The following AP2B1 variants were observed in gnomAD, a reference collection of about 807,000 sequenced individuals.
AP2B1 encodes the protein adaptor related protein complex 2 subunit beta 1.
AP2B1 carries 23 observed loss-of-function variants against 102.0 expected under a neutral mutation model. The observed-to-expected ratio is 0.23, with a 90% confidence interval of 0.16 to 0.32. The LOEUF is 0.32. Among genes scored for constraint, AP2B1 ranks in the 10% least tolerant of loss-of-function variants. AP2B1 has a pLI of 1.00. For missense variants in AP2B1, 541 were observed against 1,157.4 expected, an observed-to-expected ratio of 0.47 and a Z score of 7.73; for synonymous variants, 381 against 421.2, an observed-to-expected ratio of 0.90 and a Z score of 1.17.
chr17:35,674,111 T>G, intron 16 of AP2B1, 65 bp from the exon 17 acceptor site: 1 of 1,492,796 alleles, frequency 6.7e-7, no homozygotes, highest in Non-Finnish European at 9.1e-7. Context: ...TTTTTATTTG[T>G]TAAAAAATGC....
At chr17:35,683,207 CTCTT>C (rs1167765511) in intron 18 of AP2B1, among the ~76,000 whole-genome samples, 1 of 152,130 alleles carries the variant, frequency 6.6e-6, no homozygotes, top group Non-Finnish European at 1.5e-5. Flanking sequence ...AAAAAAGTCC[CTCTT>C]TCTTCCTTAG....
At chr17:35,630,139 C>A (rs1338032205) in intron 9 of AP2B1, among the ~76,000 whole-genome samples, 1 of 152,142 alleles carries the variant, frequency 6.6e-6, no homozygotes, top group Non-Finnish European at 1.5e-5. Context: ...ATACCTGTTC[C>A]TAATTGGCCT....
chr17:35,657,619 C>T lies in AP2B1; in HGVS notation c.1817C>T (p.Pro606Leu). 1 of 1,613,730 alleles carries T rather than the reference C, an allele frequency of 6.2e-7. No homozygotes were observed. The highest frequency in any genetic ancestry group is 8.5e-7 in the Non-Finnish European group (1 of 1,179,708). ...TTTAGCACTGATGCAGGTGACAGCCCTGTTGGCACTACCACTGCAACGAAC... is the reference window on the plus strand; with the variant it reads ...TTTAGCACTGATGCAGGTGACAGCCTTGTTGGCACTACCACTGCAACGAAC... ...HHGSTDAGDS[P>L]VGTTTATNLE... Residue 606 changes from proline to leucine, a missense_variant, in exon 14 of 22, where the codon CCT becomes CTT. Pro to Leu is a moderately conservative substitution (Grantham distance 98). Coordinates refer to ENST00000610402, the MANE Select transcript of AP2B1 (RefSeq NM_001030006.2).
intron 18 of AP2B1, among the ~76,000 whole-genome samples, chr17:35,690,019 G>C (rs750670349): frequency 2.7e-4 from 41 of 152,114 alleles, no homozygotes; most frequent in Admixed American, 6.5e-4. Flanking sequence ...TCATTCTTCA[G>C]ATTTTTTTTC....
rs1207557517 is a variant in AP2B1 at position 35,631,749 on chromosome 17, G to C, written c.1155+4023G>C. On this transcript the variant is annotated intron_variant, in intron 9 of 21. Transcript: ENST00000610402. Reference sequence around the variant, plus strand: ...CTCTTTTTCCAAATGGTGGTATAAGGAGTATCCTTGCAACTAAATCTTTGA... The same window carrying C: ...CTCTTTTTCCAAATGGTGGTATAAGCAGTATCCTTGCAACTAAATCTTTGA... 2.0e-5 allele frequency among the ~76,000 whole-genome samples: 3 copies of C among 152,056 alleles called. No individual in the cohort carries two copies. In the East Asian group the frequency reaches 5.8e-4, roughly 29 times the overall value.
At chr17:35,588,872 T>C (rs2072991874) in intron 1 of AP2B1, 1 of 152,212 alleles carries the variant, frequency 6.6e-6, no homozygotes, top group Non-Finnish European at 1.5e-5. Context: ...ATGAAGAAAC[T>C]CAAGGAAGTC....
chr17:35,634,341 A>AT (rs2142662794), intron 9 of AP2B1, among the ~76,000 whole-genome samples: 1 of 152,180 alleles, frequency 6.6e-6, no homozygotes, highest in African/African-American at 2.4e-5. Context: ...AGGCTTGGTA[A>AT]TTTTCTTGTT....
intron 21 of AP2B1, among the ~76,000 whole-genome samples, chr17:35,722,370 G>GT (rs202023875): frequency 1.3e-5 from 2 of 151,866 alleles, no homozygotes; most frequent in Non-Finnish European, 2.9e-5. Context: ...AGTTGTTTTG[G>GT]TTTTTTTTAC....
intron 5 of AP2B1, among the ~76,000 whole-genome samples, chr17:35,619,878 A>G (rs1236942369): frequency 6.6e-6 from 1 of 152,070 alleles, no homozygotes; most frequent in Non-Finnish European, 1.5e-5. Flanking sequence ...TCTGCCTCGC[A>G]TGTTCAAGTG....
intron 18 of AP2B1, among the ~76,000 whole-genome samples, chr17:35,692,192 C>G (rs1231657593): frequency 6.6e-6 from 1 of 152,152 alleles, no homozygotes; most frequent in African/African-American, 2.4e-5. Flanking sequence ...AGTCAGGAGA[C>G]AGTTAAACAC....
intron 5 of AP2B1, among the ~76,000 whole-genome samples, chr17:35,615,273 G>A (rs1338838544): frequency 6.6e-6 from 1 of 152,130 alleles, no homozygotes; most frequent in African/African-American, 2.4e-5. Context: ...TAATAATGCC[G>A]ATTTTAGTGA....
intron 5 of AP2B1, among the ~76,000 whole-genome samples, chr17:35,615,387 C>T (rs1344846234): frequency 6.6e-6 from 1 of 152,198 alleles, no homozygotes; most frequent in Non-Finnish European, 1.5e-5. Context: ...AGTGGCCTAA[C>T]ATTATGCACC....
chr17:35,660,639 C>T (rs537434691), intron 14 of AP2B1, among the ~76,000 whole-genome samples: 3 of 152,070 alleles, frequency 2.0e-5, no homozygotes, highest in South Asian at 2.1e-4. Flanking sequence ...CCCGCCACCA[C>T]GCCCGGCTAA....
chr17:35,641,166 A>G (rs2074769309), intron 11 of AP2B1, among the ~76,000 whole-genome samples: 1 of 152,248 alleles, frequency 6.6e-6, no homozygotes, highest in Non-Finnish European at 1.5e-5. Flanking sequence ...CTCTTGCCCC[A>G]GTACGACAGA....
At position 35,723,796 on chromosome 17, in the gene AP2B1, A is replaced by C. The variant is rs1488695735; in HGVS notation, c.*97A>C. The C allele has an allele frequency of 8.0e-6, 7 of 879,674 alleles. No homozygotes were observed. Among genetic ancestry groups the C allele is most frequent in the Non-Finnish European group, 1.3e-5 (7 of 529,564 alleles). 54.5% of individuals were successfully genotyped at this position (879,674 alleles called of 1,614,324 possible). Reference sequence around the variant, plus strand: ...GTATTGCTGCGTAGAATCTGAACACACTGAGGCCACCTAGCAAGGTAGTAA... The same window carrying C: ...GTATTGCTGCGTAGAATCTGAACACCCTGAGGCCACCTAGCAAGGTAGTAA... On this transcript the variant is annotated 3_prime_UTR_variant, in exon 22 of 22. Coordinates refer to ENST00000610402, the MANE Select transcript of AP2B1 (RefSeq NM_001030006.2).
At chr17:35,597,055 C>T in intron 2 of AP2B1, 1 of 574,534 alleles carries the variant, frequency 1.7e-6, no homozygotes, top group South Asian at 1.6e-5. Flanking sequence ...GGGGCCGTGG[C>T]CGGGGGCGAA....
Position 35,594,028 on chromosome 17 carries a change from G to C in AP2B1, c.-3G>C, listed in dbSNP as rs937914147. The stretch of plus-strand genomic sequence containing the variant: ...TATAGGTGCACATTAAAGATCCAAA[G>C]TCATGACTGACTCCAAGTATTTCAC... On this transcript the variant is annotated 5_prime_UTR_variant, in exon 2 of 22. Transcript: ENST00000610402. The C allele has an allele frequency of 1.3e-6, 2 of 1,588,160 alleles. No individual in the cohort carries two copies. Among genetic ancestry groups the C allele is most frequent in the African/African-American group, 2.7e-5 (2 of 74,178 alleles).
chr17:35,723,912 C>T lies in AP2B1; in HGVS notation c.*213C>T. ...TGTAACCACTGCTTCAGTCACCTCC[C>T]ACCTCTTGCCACCTGCTGCTGCTAT... On this transcript the variant is annotated 3_prime_UTR_variant, in exon 22 of 22. Coordinates refer to ENST00000610402, the MANE Select transcript of AP2B1 (RefSeq NM_001030006.2). 1 of 468,936 alleles carries T rather than the reference C, an allele frequency of 2.1e-6. No individual in the cohort carries two copies. The highest frequency in any genetic ancestry group is 3.9e-6 in the Non-Finnish European group (1 of 259,116). The allele number at this position is 468,936 out of a possible 1,614,324, so 29.0% of individuals were successfully genotyped here. A position where few individuals can be genotyped will look rare whatever the true frequency, so the allele number is the denominator to read the frequency against.
chr17:35,593,569 G>A (rs1353522971), intron 1 of AP2B1, among the ~76,000 whole-genome samples: 1 of 151,908 alleles, frequency 6.6e-6, no homozygotes, highest in Non-Finnish European at 1.5e-5. Flanking sequence ...AAAGTTTCAT[G>A]TCATAGATCG....
Sources: allele counts gnomAD v4.1 joint callset (sites outside exome capture counted in the v4.1 genomes callset), GRCh38; gene constraint gnomAD v4.1.1; transcripts MANE v1.5; gene names NCBI Gene and HGNC (gene_info 2026-07-23, HGNC 2026-07-21).